XPR1: variants seen among roughly 807,000 people sequenced by gnomAD.
XPR1 encodes xenotropic and polytropic retrovirus receptor 1.
A neutral mutation model predicts 87.5 loss-of-function variants in XPR1; 28 were observed. The observed-to-expected ratio is 0.32, with a 90% CI of 0.24 to 0.44. The LOEUF is 0.44. Ranked by LOEUF, XPR1 falls within the 20% of genes least tolerant of loss-of-function variation. The probability of loss-of-function intolerance (pLI) is 1.00; values close to 1 mark genes in which losing one functional copy is unlikely to be tolerated. For missense variants in XPR1, 559 were observed against 862.3 expected (o/e 0.65, Z 4.41); for synonymous variants, 300 against 306.1 (o/e 0.98, Z 0.21).
chr1:180,855,223 A>T, intron 11 of XPR1, among the ~76,000 whole-genome samples: 1 of 152,238 alleles, frequency 6.6e-6, no homozygotes, highest in East Asian at 1.9e-4. Context: ...TTGTGTATAT[A>T]CAGAATGAAA....
At chr1:180,859,924 C>T (rs1177046309) in intron 11 of XPR1, among the ~76,000 whole-genome samples, 6 of 151,964 alleles carry the variant, frequency 3.9e-5, no homozygotes, top group Non-Finnish European at 7.4e-5. Flanking sequence ...AGACAAGCCA[C>T]ACATTAACAG....
Position 180,730,615 on chromosome 1 carries a change from G to A in XPR1, c.121+48204G>A, listed in dbSNP as rs115176221. On this transcript the variant is annotated intron_variant, in intron 2 of 14. Coordinates refer to ENST00000367590, the MANE Select transcript of XPR1 (RefSeq NM_004736.4). ...CTCTATCACAGCTACTTGCATTTGC[G>A]TATTAAGCCCTTCTCCTTTTGGCAA... Among the ~76,000 whole-genome samples the A allele has an allele frequency of 2.5e-3, 382 of 152,112 alleles. 3 individuals are homozygous for A. The highest frequency in any genetic ancestry group is 8.9e-3 in the African/African-American group (368 of 41,504).
In XPR1 at chr1:180,776,843, CACT is replaced by C. The variant is rs1648743820; in HGVS notation, c.122-10909_122-10907del. Among the ~76,000 whole-genome samples, 3 of 152,088 alleles carry C rather than the reference CACT, an allele frequency of 2.0e-5. No individual in the cohort carries two copies. In the East Asian group the frequency reaches 5.8e-4, roughly 29 times the overall value. ...ATTGATTTTTTTCTCAATTACATGT[CACT>C]GTTATAAGTGAAAAGACTTTTTTGT... On this transcript the variant is annotated intron_variant, in intron 2 of 14. Transcript: ENST00000367590.
chr1:180,815,155 A>C (rs1266874661), intron 7 of XPR1, among the ~76,000 whole-genome samples: 1 of 152,096 alleles, frequency 6.6e-6, no homozygotes, highest in Non-Finnish European at 1.5e-5. Context: ...TTTAATTTTC[A>C]AGATGAGCAT....
At chr1:180,807,939 G>A (rs1289585809) in intron 6 of XPR1, among the ~76,000 whole-genome samples, 2 of 152,162 alleles carry the variant, frequency 1.3e-5, no homozygotes, top group Admixed American at 6.5e-5. Context: ...AGGAGGTGGA[G>A]GTTGCAGTGA....
At chr1:180,643,422 G>T (rs950049221) in intron 1 of XPR1, among the ~76,000 whole-genome samples, 1 of 152,114 alleles carries the variant, frequency 6.6e-6, no homozygotes, top group Non-Finnish European at 1.5e-5. Context: ...TGGCGTTCTA[G>T]ATTTGATGAA....
At chr1:180,684,582 A>C (rs1436567006) in intron 2 of XPR1, among the ~76,000 whole-genome samples, 7 of 152,040 alleles carry the variant, frequency 4.6e-5, no homozygotes, top group Middle Eastern at 3.2e-3. Flanking sequence ...CTTGGGCAGT[A>C]TGGCCATTTT....
intron 2 of XPR1, among the ~76,000 whole-genome samples, chr1:180,769,338 T>C (rs1648408640): frequency 6.6e-6 from 1 of 152,010 alleles, no homozygotes; most frequent in South Asian, 2.1e-4. Context: ...TGCTATCAAA[T>C]AGTAGGTCTT....
intron 11 of XPR1, among the ~76,000 whole-genome samples, chr1:180,847,032 A>C (rs573227393): frequency 1.3e-5 from 2 of 152,152 alleles, no homozygotes; most frequent in Non-Finnish European, 2.9e-5. Flanking sequence ...TCTTTCTTTT[A>C]AAGGTAGAAT....
At chr1:180,682,280 A>G (rs940346575) in intron 1 of XPR1, 80 bp from the exon 2 acceptor site, 13 of 1,175,060 alleles carry the variant, frequency 1.1e-5, no homozygotes, top group Non-Finnish European at 1.5e-5. Context: ...GAATATTGAA[A>G]AAGAACTGTT....
intron 1 of XPR1, among the ~76,000 whole-genome samples, chr1:180,669,918 G>A (rs1445302745): frequency 3.9e-5 from 6 of 152,102 alleles, no homozygotes; most frequent in Non-Finnish European, 8.8e-5. Context: ...ATATCTTAAT[G>A]TACTGTATTA....
intron 1 of XPR1, among the ~76,000 whole-genome samples, chr1:180,677,481 T>G (rs1321606897): frequency 6.6e-6 from 1 of 151,758 alleles, no homozygotes; most frequent in Non-Finnish European, 1.5e-5. Flanking sequence ...AGTTCCTGAG[T>G]GGGGGCCATA....
chr1:180,689,848 A>T (rs935661820), intron 2 of XPR1, among the ~76,000 whole-genome samples: 1 of 152,144 alleles, frequency 6.6e-6, no homozygotes, highest in African/African-American at 2.4e-5. Flanking sequence ...TAAATCTAAA[A>T]CTATTCTAAG....
chr1:180,810,642 G>A (rs1650172600), intron 6 of XPR1, among the ~76,000 whole-genome samples: 1 of 151,776 alleles, frequency 6.6e-6, no homozygotes, highest in Non-Finnish European at 1.5e-5. Context: ...AAGCGTTCTT[G>A]TCTCCGTCAT....
intron 1 of XPR1, among the ~76,000 whole-genome samples, chr1:180,633,919 A>G (rs1654680706): frequency 6.6e-6 from 1 of 152,204 alleles, no homozygotes; most frequent in African/African-American, 2.4e-5. Flanking sequence ...GTAGCATGGA[A>G]TGCTTTGGGC....
At chr1:180,666,450 T>C (rs760517119) in intron 1 of XPR1, among the ~76,000 whole-genome samples, 2 of 152,250 alleles carry the variant, frequency 1.3e-5, no homozygotes, top group Non-Finnish European at 2.9e-5. Context: ...TATTTGTCTT[T>C]CATTTCTTTC....
intron 2 of XPR1, among the ~76,000 whole-genome samples, chr1:180,748,873 GTTTGA>G (rs1315802845): frequency 1.3e-5 from 2 of 152,292 alleles, no homozygotes; most frequent in South Asian, 2.1e-4. Context: ...GCAAATCACA[GTTTGA>G]TTTGTTTTAT....
intron 3 of XPR1, among the ~76,000 whole-genome samples, chr1:180,796,060 G>A (rs1016600814): frequency 2.0e-5 from 3 of 151,994 alleles, no homozygotes; most frequent in Admixed American, 1.3e-4. Context: ...CACTCACCTC[G>A]GCCTCCAAAA....
intron 1 of XPR1, among the ~76,000 whole-genome samples, chr1:180,656,490 T>A (rs374487099): frequency 0.02 from 216 of 10,630 alleles, 71 homozygotes; most frequent in Non-Finnish European, 0.04. Flanking sequence ...TATATAATAT[T>A]TATATATTAT....
Sources: allele counts gnomAD v4.1 joint callset (sites outside exome capture counted in the v4.1 genomes callset), GRCh38; gene constraint gnomAD v4.1.1; transcripts MANE v1.5; gene names NCBI Gene and HGNC (gene_info 2026-07-23, HGNC 2026-07-21).